Variants in FCN2 observed in about 807,000 individuals in gnomAD.
FCN2 encodes the protein ficolin-2.
FCN2 carries 31 observed loss-of-function variants against 32.5 expected under a neutral mutation model. The observed-to-expected ratio is 0.96, with a 90% CI of 0.72 to 1.29. The LOEUF (loss-of-function observed/expected upper bound fraction) is 1.29. Among genes scored for constraint, FCN2 ranks in the 50% most tolerant of loss-of-function variants. FCN2 has a pLI of 0.00. For synonymous variants in FCN2, 181 were observed against 164.5 expected, an observed-to-expected ratio of 1.10 and a Z score of -0.77; for missense variants, 412 against 406.5, an observed-to-expected ratio of 1.01 and a Z score of -0.12.
chr9:134,872,535 T>C, the FCN2 span, among the ~76,000 whole-genome samples: 2 of 151,890 alleles, frequency 1.3e-5, no homozygotes, highest in African/African-American at 4.8e-5. Context: ...AGGAAAGAGG[T>C]TTAATGGACT....
At chr9:134,883,454 C>G in intron 3 of FCN2, 99 bp downstream of exon 3, 1 of 1,112,234 alleles carries the variant, frequency 9.0e-7, no homozygotes, top group South Asian at 1.3e-5. Flanking sequence ...ACGCTGTCCT[C>G]GCCAGAGCCA....
At chr9:134,883,259 G>C in intron 2 of FCN2, 43 bp from the exon 3 acceptor site, 1 of 1,540,582 alleles carries the variant, frequency 6.5e-7, no homozygotes, top group Non-Finnish European at 9.0e-7. Flanking sequence ...TTTGATCCTG[G>C]GCTGGGCAGT....
chr9:134,887,142 C>T (rs370925745), intron 7 of FCN2, 26 bp from the exon 8 acceptor site: 91 of 1,613,486 alleles, frequency 5.6e-5, no homozygotes, highest in Admixed American at 2.0e-4. Flanking sequence ...CTGCCTGTAA[C>T]GATGCTCACA....
At chr9:134,866,491 A>T in the FCN2 span, among the ~76,000 whole-genome samples, 2 of 150,154 alleles carry the variant, frequency 1.3e-5, no homozygotes, top group African/African-American at 4.9e-5. Flanking sequence ...AATCAATTCA[A>T]GATGGATTAA....
At chr9:134,887,113 A>AT in intron 7 of FCN2, 55 bp from the exon 8 acceptor site, 4 of 1,608,484 alleles carry the variant, frequency 2.5e-6, no homozygotes, top group Non-Finnish European at 2.6e-6. Flanking sequence ...AAAGACTTAT[A>AT]CTGTCTGTAA....
At chr9:134,877,375 T>C (rs1830613188), upstream of FCN2, among the ~76,000 whole-genome samples, 1 of 152,238 alleles carries the variant, frequency 6.6e-6, no homozygotes, top group Admixed American at 6.5e-5. Context: ...TAATTTCTCC[T>C]TTGGCCTCTT....
the FCN2 span, among the ~76,000 whole-genome samples, chr9:134,870,937 T>C: frequency 2.0e-5 from 3 of 151,990 alleles, no homozygotes; most frequent in Admixed American, 6.6e-5. This position sits in a 1 kb window ranked among gnomAD's most constrained non-coding sequence, Gnocchi z 4.3. Flanking sequence ...GGCGGTGCCC[T>C]CTCTCCATTC....
chr9:134,878,406 A>T (rs1830621997), upstream of FCN2, among the ~76,000 whole-genome samples: 1 of 152,148 alleles, frequency 6.6e-6, no homozygotes, highest in African/African-American at 2.4e-5. Context: ...AGCACCCCTG[A>T]CCAACATTTA....
Position 134,880,866 on chromosome 9 carries a change from G to C in FCN2, c.45G>C (p.Leu15=). The change falls in exon 1 of 8, where the codon CTG becomes CTC. Residue 15 remains leucine, a synonymous_variant. Coordinates refer to ENST00000291744, the MANE Select transcript of FCN2 (RefSeq NM_004108.3). ...TGGGGGTCCTGGGCGCTGCCACCCTGCTGCTCTCTTTCCTGGGCATGGCCT... is the reference window on the plus strand; with the variant it reads ...TGGGGGTCCTGGGCGCTGCCACCCTCCTGCTCTCTTTCCTGGGCATGGCCT... ...RAVGVLGAAT[L]LLSFLGMAWA... is the part of the protein sequence containing the mutation. The C allele has an allele frequency of 6.2e-6, 10 of 1,613,726 alleles. No individual in the cohort carries two copies. The highest frequency in any genetic ancestry group is 8.5e-6 in the Non-Finnish European group (10 of 1,179,960).
At chr9:134,871,921 G>A in the FCN2 span, among the ~76,000 whole-genome samples, 9 of 151,982 alleles carry the variant, frequency 5.9e-5, no homozygotes, top group Middle Eastern at 3.2e-3. Flanking sequence ...AAGCTTCCTC[G>A]TTGCAATCCC....
chr9:134,865,859 G>A, the FCN2 span, among the ~76,000 whole-genome samples: 1 of 152,082 alleles, frequency 6.6e-6, no homozygotes, highest in Non-Finnish European at 1.5e-5. Context: ...CAAACAGAGA[G>A]CCAAATCATG....
At chr9:134,886,956 C>G (rs1227060248) in intron 7 of FCN2, among the ~76,000 whole-genome samples, 4 of 152,200 alleles carry the variant, frequency 2.6e-5, no homozygotes, top group Non-Finnish European at 5.9e-5. Context: ...CATTAGGTGG[C>G]AGGGCTAGAC....
the FCN2 span, among the ~76,000 whole-genome samples, chr9:134,865,192 T>G: frequency 6.6e-6 from 1 of 152,208 alleles, no homozygotes; most frequent in Non-Finnish European, 1.5e-5. Context: ...TGTAGCCCAG[T>G]GAGGTCGATG....
At chr9:134,886,834 C>T (rs900766457) in intron 7 of FCN2, among the ~76,000 whole-genome samples, 4 of 152,204 alleles carry the variant, frequency 2.6e-5, no homozygotes, top group Non-Finnish European at 5.9e-5. Context: ...GTGACAGCAG[C>T]TGATATCTCT....
In FCN2 at chr9:134,887,478, G is replaced by C; in HGVS notation, c.*63G>C. On this transcript the variant is annotated 3_prime_UTR_variant, in exon 8 of 8. Transcript: ENST00000291744. ...AGTTGGTTGGGGGGTAGGGTTGGGA[G>C]CTTGGCCCTACGGTTTGTAAAAGAA... 6.6e-7 allele frequency: 1 copy of C among 1,520,666 alleles called. No homozygotes were observed. Among genetic ancestry groups the C allele is most frequent in the Non-Finnish European group, 9.1e-7 (1 of 1,099,060 alleles). The allele number at this position is 1,520,666 out of a possible 1,614,324, so 94.2% of individuals were successfully genotyped here. A position where few individuals can be genotyped will look rare whatever the true frequency, so the allele number is the denominator to read the frequency against.
At chr9:134,885,203 C>G (rs200880662) in intron 4 of FCN2, 36 bp from the exon 5 acceptor site, 47 of 1,613,628 alleles carry the variant, frequency 2.9e-5, no homozygotes, top group Non-Finnish European at 3.9e-5. Flanking sequence ...GCCCAGGGCT[C>G]CTGTCCTGCA....
At chr9:134,884,650 G>A in intron 3 of FCN2, 90 bp from the exon 4 acceptor site, 4 of 1,302,574 alleles carry the variant, frequency 3.1e-6, no homozygotes, top group Non-Finnish European at 4.4e-6. Context: ...TCCTGGGGAG[G>A]CCCAGAAAAT....
In FCN2 at chr9:134,887,355, G is replaced by T; in HGVS notation, c.882G>T (p.Lys294Asn). 8 of 1,614,182 alleles carry T rather than the reference G, an allele frequency of 5.0e-6. No homozygotes were observed. Among genetic ancestry groups the T allele is most frequent in the Non-Finnish European group, 6.8e-6 (8 of 1,180,022 alleles). Residue 294 changes from lysine (K) to asparagine (N), a missense_variant, in exon 8 of 8, where the codon AAG becomes AAT. Lys to Asn is a moderately conservative substitution (Grantham distance 94). Transcript: ENST00000291744. The part of the protein sequence containing the change: ...HGSFANGINW[K>N]SGKGYNYSYK... Reference sequence around the variant, plus strand: ...GCTTTGCAAATGGCATCAACTGGAAGTCGGGGAAAGGATACAATTATAGCT... The same window carrying T: ...GCTTTGCAAATGGCATCAACTGGAATTCGGGGAAAGGATACAATTATAGCT...
chr9:134,881,959 G>A (rs1830670084), intron 1 of FCN2, among the ~76,000 whole-genome samples: 1 of 152,174 alleles, frequency 6.6e-6, no homozygotes, highest in Non-Finnish European at 1.5e-5. Flanking sequence ...GTCCTTGAAG[G>A]ACGCCTCCCT....
Sources: gnomAD v4.1 joint callset for allele counts (sites outside exome capture counted in the v4.1 genomes callset) on GRCh38, gnomAD v4.1.1 for gene constraint, Gnocchi (gnomAD v3.1) non-coding constraint, MANE v1.5 for transcripts, NCBI Gene and HGNC (gene_info 2026-07-23, HGNC 2026-07-21) for gene names.